The following TUT4 variants were observed in gnomAD, a reference collection of about 807,000 sequenced individuals.
TUT4 encodes terminal uridylyl transferase 4.
TUT4 carries 36 observed loss-of-function variants against 192.2 expected under a neutral mutation model. That is an observed-to-expected ratio of 0.19 (90% CI 0.14 to 0.25). The LOEUF (loss-of-function observed/expected upper bound fraction) is 0.25, where lower values mean the gene tolerates loss of function less well. Ranked by LOEUF, TUT4 falls within the 10% of genes least tolerant of loss-of-function variation. The pLI, the probability that TUT4 is intolerant of heterozygous loss-of-function variation, is 1.00. For missense variants in TUT4, 1,493 were observed against 1,957.2 expected (o/e 0.76, Z 4.47); for synonymous variants, 618 against 666.0 (o/e 0.93, Z 1.11).
At chr1:52,456,051 C>A (rs1660840564) in intron 20 of TUT4, among the ~76,000 whole-genome samples, 1 of 152,110 alleles carries the variant, frequency 6.6e-6, no homozygotes, top group Non-Finnish European at 1.5e-5. Flanking sequence ...AGATATTTTT[C>A]CATATGTGAA....
rs79479576 is a variant in TUT4, at chr1:52,478,748, G to A, written c.1849-866C>T. Among the ~76,000 whole-genome samples, 528 of 152,250 alleles carry A rather than the reference G, an allele frequency of 3.5e-3. 3 individuals carry two copies. Among genetic ancestry groups the A allele is most frequent in the African/African-American group, 0.011 (472 of 41,558 alleles). The stretch of plus-strand genomic sequence containing the variant: ...CACCTGAATTCCAAAGAATTAGCTA[G>A]ATGAAACCTGGCTAAAAGTAACCAC... On this transcript the variant is annotated intron_variant, in intron 11 of 29. Transcript: ENST00000257177.
chr1:52,521,529 G>A (rs1475749816), intron 2 of TUT4, among the ~76,000 whole-genome samples: 1 of 151,966 alleles, frequency 6.6e-6, no homozygotes, highest in East Asian at 1.9e-4. Flanking sequence ...GCCGGGTGTA[G>A]TGGTACACGC....
chr1:52,463,510 C>T (rs547096672), intron 16 of TUT4: 5 of 1,075,734 alleles, frequency 4.6e-6, no homozygotes, highest in Non-Finnish European at 5.7e-6. Context: ...TTTAGAAAAG[C>T]ACACTATTCT....
chr1:52,490,930 A>T, intron 7 of TUT4, 129 bp from the exon 8 acceptor site: 1 of 767,158 alleles, frequency 1.3e-6, no homozygotes, highest in Non-Finnish European at 2.1e-6. Context: ...CACTCTTCTC[A>T]TTATGAGCAC....
At chr1:52,478,303 C>T (rs766481611) in intron 11 of TUT4, among the ~76,000 whole-genome samples, 4 of 152,184 alleles carry the variant, frequency 2.6e-5, no homozygotes, top group African/African-American at 4.8e-5. Flanking sequence ...TACTACAACT[C>T]GTTTTTCCAA....
At chr1:52,474,302 C>T (rs1428017690) in intron 13 of TUT4, among the ~76,000 whole-genome samples, 1 of 152,130 alleles carries the variant, frequency 6.6e-6, no homozygotes, top group African/African-American at 2.4e-5. Flanking sequence ...AAGCCGAAAT[C>T]CAGAGGCTCA....
intron 1 of TUT4, among the ~76,000 whole-genome samples, chr1:52,539,865 C>G (rs1350256059): frequency 6.6e-6 from 1 of 150,538 alleles, no homozygotes; most frequent in African/African-American, 2.5e-5. Context: ...AAGATTATGC[C>G]ATTGCACTTT....
intron 24 of TUT4, among the ~76,000 whole-genome samples, chr1:52,445,397 A>C (rs1216025007): frequency 6.6e-6 from 1 of 152,182 alleles, no homozygotes; most frequent in African/African-American, 2.4e-5. Flanking sequence ...AGATTTCTGA[A>C]GATAAAAGAG....
intron 4 of TUT4, among the ~76,000 whole-genome samples, 156 bp downstream of exon 4, chr1:52,509,440 C>T (rs1249009255): frequency 6.6e-6 from 1 of 152,182 alleles, no homozygotes; most frequent in East Asian, 1.9e-4. Context: ...CTGATTATCT[C>T]AGATAAGGAA....
chr1:52,431,580 C>T (rs1482625077), intron 27 of TUT4, 120 bp from the exon 28 acceptor site: 9 of 792,240 alleles, frequency 1.1e-5, no homozygotes, highest in Non-Finnish European at 1.6e-5. Context: ...TATATCATAA[C>T]AAATAATTAG....
intron 9 of TUT4, among the ~76,000 whole-genome samples, chr1:52,487,814 AGT>A (rs1670183329): frequency 1.3e-5 from 2 of 152,214 alleles, no homozygotes; most frequent in South Asian, 4.1e-4. Context: ...ATATTTACTG[AGT>A]GCCTACTATG....
Position 52,488,817 on chromosome 1 carries a change from T to C in TUT4, c.1515+92A>G. The C allele has an allele frequency of 5.4e-6, 7 of 1,285,652 alleles. No individual in the cohort carries two copies. In the South Asian group the frequency reaches 1.3e-4, roughly 24 times the overall value. The allele number at this position is 1,285,652 out of a possible 1,614,324, so 79.6% of individuals were successfully genotyped here. A position where few individuals can be genotyped will look rare whatever the true frequency, so the allele number is the denominator to read the frequency against. On this transcript the variant is annotated intron_variant, in intron 9 of 29. Transcript: ENST00000257177. ...TTCTCCCACATGTTATGATTGATGT[T>C]ACATGTCAGTACAAGAAAAGGCCTA...
intron 3 of TUT4, among the ~76,000 whole-genome samples, chr1:52,510,567 C>T (rs1199592913): frequency 6.6e-6 from 1 of 152,174 alleles, no homozygotes; most frequent in African/African-American, 2.4e-5. Flanking sequence ...GAGGTCACAA[C>T]TGAAGGGAAT....
At chr1:52,485,676 AT>A (rs138641589) in intron 9 of TUT4, among the ~76,000 whole-genome samples, 13,299 of 151,186 alleles carry the variant, frequency 0.088, 1,930 homozygotes, top group African/African-American at 0.3. Context: ...AGCATCTAGG[AT>A]TTTTTTTTCT....
chr1:52,534,341 G>A (rs1200182135), intron 1 of TUT4, among the ~76,000 whole-genome samples: 4 of 152,072 alleles, frequency 2.6e-5, no homozygotes, highest in Non-Finnish European at 5.9e-5. Context: ...CAAACTGAAC[G>A]TGATCAAAAA....
At chr1:52,487,825 T>C (rs956937783) in intron 9 of TUT4, among the ~76,000 whole-genome samples, 25 of 152,222 alleles carry the variant, frequency 1.6e-4, no homozygotes, top group Admixed American at 9.2e-4. Context: ...GTGCCTACTA[T>C]GTGCTGACAC....
intron 19 of TUT4, among the ~76,000 whole-genome samples, chr1:52,459,732 T>G (rs1358391547): frequency 1.3e-5 from 2 of 151,798 alleles, no homozygotes; most frequent in African/African-American, 4.8e-5. Context: ...AATACAAAAA[T>G]TAGCCAGGCG....
chr1:52,451,012 TC>T (rs1478960681), intron 20 of TUT4, among the ~76,000 whole-genome samples: 1 of 152,206 alleles, frequency 6.6e-6, no homozygotes, highest in Non-Finnish European at 1.5e-5. Context: ...ACGCCTGTAA[TC>T]CCAGCACTCT....
At chr1:52,425,322 T>C in intron 29 of TUT4, 27 bp downstream of exon 29, 3 of 1,606,354 alleles carry the variant, frequency 1.9e-6, no homozygotes, top group Non-Finnish European at 2.6e-6. Flanking sequence ...CACCCAAGCC[T>C]GTTAACTAAT....
Sources: gnomAD v4.1 joint callset for allele counts (sites outside exome capture counted in the v4.1 genomes callset) on GRCh38, gnomAD v4.1.1 for gene constraint, MANE v1.5 for transcripts, NCBI Gene and HGNC (gene_info 2026-07-23, HGNC 2026-07-21) for gene names.